SUMF1: variants seen among roughly 807,000 people sequenced by gnomAD.
The protein encoded by SUMF1 is sulfatase modifying factor 1, also known as formylglycine-generating enzyme.
SUMF1 carries 48 observed loss-of-function variants against 47.6 expected under a neutral mutation model. That is an observed-to-expected ratio of 1.01 (90% CI 0.80 to 1.28). SUMF1 has a LOEUF of 1.28. SUMF1 is among the 50% of genes most tolerant of loss of function. The pLI, the probability that SUMF1 is intolerant of heterozygous loss-of-function variation, is 0.00. For missense variants in SUMF1, 571 were observed against 485.4 expected (o/e 1.18, Z -1.66); for synonymous variants, 230 against 192.1 (o/e 1.20, Z -1.63).
In SUMF1 at chr3:4,112,599, A is replaced by G. The variant is rs138879058; in HGVS notation, c.1015-43854T>C. On this transcript the variant is annotated intron_variant and NMD_transcript_variant, in intron 8 of 12. Coordinates refer to the SUMF1 transcript ENST00000448413. ...AGATGAATGAGACCCATATCAAGTT[A>G]AAGTACTTCATGAAGCCACTTTAGC... 1.6e-4 allele frequency among the ~76,000 whole-genome samples: 25 copies of G among 152,266 alleles called. No homozygotes were observed. In the East Asian group the frequency reaches 4.4e-3, roughly 27 times the overall value.
intron 8 of SUMF1, among the ~76,000 whole-genome samples, chr3:4,244,850 T>C (rs909906134): frequency 2.0e-5 from 3 of 152,162 alleles, no homozygotes; most frequent in Admixed American, 6.6e-5. Context: ...GTTTTCCAAC[T>C]GATTCCATTC....
intron 8 of SUMF1, among the ~76,000 whole-genome samples, chr3:4,137,015 C>T (rs1258953743): frequency 6.6e-6 from 1 of 152,094 alleles, no homozygotes; most frequent in Non-Finnish European, 1.5e-5. Flanking sequence ...CACTTTTACA[C>T]TGTTGGTGGG....
intron 3 of SUMF1, among the ~76,000 whole-genome samples, chr3:4,437,345 G>A (rs747826339): frequency 3.9e-5 from 6 of 152,012 alleles, no homozygotes; most frequent in Non-Finnish European, 7.4e-5. Context: ...TTATACTCAA[G>A]TATTAAAATT....
intron 8 of SUMF1, among the ~76,000 whole-genome samples, chr3:4,223,993 G>C (rs1171915946): frequency 6.6e-6 from 1 of 152,082 alleles, no homozygotes; most frequent in Non-Finnish European, 1.5e-5. Context: ...ACAGCATTAA[G>C]GATAAGAGTA....
At chr3:4,316,574 T>G (rs1376818065) in intron 8 of SUMF1, 2 of 1,552,466 alleles carry the variant, frequency 1.3e-6, no homozygotes, top group East Asian at 2.4e-5. Context: ...AGTGGGTGCC[T>G]CATGAGCTGA....
At chr3:4,401,016 C>G (rs1358471961) in intron 7 of SUMF1, among the ~76,000 whole-genome samples, 2 of 141,938 alleles carry the variant, frequency 1.4e-5, no homozygotes, top group East Asian at 4.3e-4. Context: ...ACCCGGTGTC[C>G]AAGTGTTCTC....
chr3:4,229,142 G>A (rs1464361998), intron 8 of SUMF1, among the ~76,000 whole-genome samples: 2 of 152,118 alleles, frequency 1.3e-5, no homozygotes, highest in Non-Finnish European at 2.9e-5. Context: ...ATACAGATAA[G>A]TAAAATGTTG....
chr3:4,277,573 A>T (rs1295987890), intron 8 of SUMF1, among the ~76,000 whole-genome samples: 4 of 152,194 alleles, frequency 2.6e-5, no homozygotes, highest in African/African-American at 7.2e-5. Context: ...TTAGTGAGGG[A>T]AAATAGACAC....
In SUMF1 at chr3:4,152,916, C is replaced by T. The variant is rs370612019; in HGVS notation, c.1015-84171G>A. Reference sequence around the variant, plus strand: ...AATACCTTATACATCCCTAGTCTCTCTCCCTGGCAGAGATATTTGGTATCT... The same window carrying T: ...AATACCTTATACATCCCTAGTCTCTTTCCCTGGCAGAGATATTTGGTATCT... On this transcript the variant is annotated intron_variant and NMD_transcript_variant, in intron 8 of 12. Transcript: ENST00000448413. 5.0e-4 allele frequency among the ~76,000 whole-genome samples: 76 copies of T among 151,676 alleles called. 4 individuals are homozygous for T. Among genetic ancestry groups the T allele is most frequent in the African/African-American group, 1.3e-3 (53 of 40,948 alleles).
intron 8 of SUMF1, among the ~76,000 whole-genome samples, chr3:4,143,073 C>T (rs1260684861): frequency 2.0e-5 from 3 of 152,068 alleles, no homozygotes; most frequent in Non-Finnish European, 4.4e-5. Context: ...TATCCCTGAG[C>T]CTCGATCGGC....
At chr3:4,228,989 C>T (rs147419163) in intron 8 of SUMF1, among the ~76,000 whole-genome samples, 1 of 152,182 alleles carries the variant, frequency 6.6e-6, no homozygotes, top group African/African-American at 2.4e-5. Flanking sequence ...AACCCAAATG[C>T]CAAAGTGTGT....
chr3:4,318,569 G>C (rs956136986), intron 8 of SUMF1, among the ~76,000 whole-genome samples: 6 of 152,172 alleles, frequency 3.9e-5, no homozygotes, highest in African/African-American at 1.4e-4. Flanking sequence ...CTTCTATTCA[G>C]CATTGTACTG....
chr3:4,384,628 C>T (rs971745392), intron 7 of SUMF1, among the ~76,000 whole-genome samples: 1 of 152,122 alleles, frequency 6.6e-6, no homozygotes, highest in Non-Finnish European at 1.5e-5. Context: ...CATAATTCTC[C>T]GGAGATTCAT....
intron 8 of SUMF1, among the ~76,000 whole-genome samples, chr3:4,297,116 T>C (rs1014166940): frequency 1.3e-5 from 2 of 152,190 alleles, no homozygotes; most frequent in African/African-American, 2.4e-5. Flanking sequence ...GAGAACCTAA[T>C]TGTCCTAGAT....
chr3:4,399,948 G>A (rs1056781709), intron 7 of SUMF1, among the ~76,000 whole-genome samples: 2 of 152,046 alleles, frequency 1.3e-5, no homozygotes, highest in Non-Finnish European at 2.9e-5. Flanking sequence ...TAGTAGGGAT[G>A]GAGTTTCACC....
chr3:4,258,161 A>C (rs1696999283), intron 8 of SUMF1, among the ~76,000 whole-genome samples: 1 of 150,162 alleles, frequency 6.7e-6, no homozygotes, highest in Non-Finnish European at 1.5e-5. Context: ...TAAAAACCCT[A>C]GAAGAAAACC....
intron 8 of SUMF1, among the ~76,000 whole-genome samples, chr3:4,136,277 G>T (rs972184603): frequency 3.3e-5 from 5 of 151,994 alleles, no homozygotes; most frequent in Admixed American, 2.0e-4. Flanking sequence ...CCAAAACAGA[G>T]ATATAGACCA....
chr3:4,276,476 A>G (rs1008114967), intron 8 of SUMF1, among the ~76,000 whole-genome samples: 1 of 152,182 alleles, frequency 6.6e-6, no homozygotes, highest in African/African-American at 2.4e-5. Context: ...TTCCATTAAA[A>G]GAAGAAATTA....
intron 8 of SUMF1, among the ~76,000 whole-genome samples, chr3:4,141,709 T>C (rs1354782524): frequency 6.6e-6 from 1 of 152,056 alleles, no homozygotes; most frequent in East Asian, 1.9e-4. Flanking sequence ...AACATAGCTA[T>C]TGCACTTTTA....
Sources: allele counts gnomAD v4.1 joint callset (sites outside exome capture counted in the v4.1 genomes callset), GRCh38; gene constraint gnomAD v4.1.1; transcripts MANE v1.5; gene names NCBI Gene and HGNC (gene_info 2026-07-23, HGNC 2026-07-21).